The following CHST9 variants were observed in gnomAD, a reference collection of about 807,000 sequenced individuals.
CHST9 encodes the protein GalNAc-4-sulfotransferase 2.
A neutral mutation model predicts 44.4 loss-of-function variants in CHST9; 41 were observed. The ratio of observed to expected loss-of-function variants is 0.92; its 90% CI spans 0.72 to 1.20. The LOEUF (loss-of-function observed/expected upper bound fraction) is 1.20. CHST9 is among the 50% of genes most tolerant of loss of function. The probability of loss-of-function intolerance (pLI) is 0.00; values close to 1 mark genes in which losing one functional copy is unlikely to be tolerated. For synonymous variants in CHST9, 171 were observed against 178.4 expected, an observed-to-expected ratio of 0.96 and a Z score of 0.33; for missense variants, 504 against 516.5, an observed-to-expected ratio of 0.98 and a Z score of 0.23.
rs944003599 is a variant in CHST9, at chr18:26,910,595, G to A, written c.*5664C>T. The A allele has an allele frequency of 6.6e-6, 1 of 152,160 alleles. No individual in the cohort carries two copies. Among genetic ancestry groups the A allele is most frequent in the African/African-American group, 2.4e-5 (1 of 41,432 alleles). 9.4% of individuals were successfully genotyped at this position (152,160 alleles called of 1,614,324 possible). On this transcript the variant is annotated 3_prime_UTR_variant, in exon 6 of 6. Coordinates refer to ENST00000618847, the MANE Select transcript of CHST9 (RefSeq NM_031422.6). ...TAGAATGTAGGGTAACAAATCCCCTGTCATTAATGAGGCCCAATGTTGGCA... is the reference window on the plus strand; with the variant it reads ...TAGAATGTAGGGTAACAAATCCCCTATCATTAATGAGGCCCAATGTTGGCA...
At chr18:26,998,855 T>C (rs1488887488) in intron 4 of CHST9, among the ~76,000 whole-genome samples, 1 of 152,146 alleles carries the variant, frequency 6.6e-6, no homozygotes, top group Non-Finnish European at 1.5e-5. Flanking sequence ...GCTGGCAGTC[T>C]CTGGCTATCA....
intron 5 of CHST9, among the ~76,000 whole-genome samples, chr18:26,925,577 G>C (rs1401389119): frequency 6.6e-6 from 1 of 152,218 alleles, no homozygotes; most frequent in Non-Finnish European, 1.5e-5. Context: ...TGTTACAAGA[G>C]ATAATGGTCG....
intron 4 of CHST9, among the ~76,000 whole-genome samples, chr18:26,996,718 A>AGTGT: frequency 6.6e-6 from 1 of 152,168 alleles, no homozygotes. Context: ...TTACTGTCCA[A>AGTGT]AATACTCTCT....
intron 1 of CHST9, among the ~76,000 whole-genome samples, chr18:27,183,781 T>C (rs2058932530): frequency 1.3e-5 from 2 of 152,130 alleles, no homozygotes; most frequent in African/African-American, 4.8e-5. Context: ...TGAGCAATAA[T>C]AAAAAGTGGT....
chr18:27,160,369 A>G (rs887280550), intron 1 of CHST9, among the ~76,000 whole-genome samples: 3 of 152,132 alleles, frequency 2.0e-5, no homozygotes, highest in African/African-American at 7.2e-5. Flanking sequence ...TGAGATAATT[A>G]TATGGTTTTT....
At chr18:27,176,507 G>C (rs2058869548) in intron 1 of CHST9, among the ~76,000 whole-genome samples, 1 of 151,930 alleles carries the variant, frequency 6.6e-6, no homozygotes, top group Non-Finnish European at 1.5e-5. Context: ...AAACCAGATT[G>C]GACTATGGGA....
chr18:26,928,856 G>A (rs712500), intron 5 of CHST9, among the ~76,000 whole-genome samples: 27 of 152,172 alleles, frequency 1.8e-4, no homozygotes, highest in Admixed American at 2.0e-4. Flanking sequence ...TAGTTGGTTG[G>A]AAGTCTGGCT....
chr18:26,974,319 G>C (rs1598607904), intron 4 of CHST9, among the ~76,000 whole-genome samples: 1 of 152,200 alleles, frequency 6.6e-6, no homozygotes, highest in Non-Finnish European at 1.5e-5. Context: ...AGAGGTGAAT[G>C]CAACACTTTC....
intron 2 of CHST9, among the ~76,000 whole-genome samples, chr18:27,072,927 A>G (rs550235210): frequency 6.2e-4 from 95 of 152,226 alleles, no homozygotes; most frequent in African/African-American, 2.3e-3. Context: ...CCAGGAACTC[A>G]TTAGTTATGA....
chr18:26,952,188 C>T (rs2056257334), intron 4 of CHST9: 1 of 524,630 alleles, frequency 1.9e-6, no homozygotes, highest in Non-Finnish European at 3.8e-6. Context: ...ATGGACTTCA[C>T]CTCCCAAAAG....
rs183064607 is a variant in CHST9 at position 26,991,957 on chromosome 18, G to A, written c.202+32159C>T. 1.6e-3 allele frequency among the ~76,000 whole-genome samples: 206 copies of A among 128,396 alleles called. 57 individuals carry two copies. The highest frequency in any genetic ancestry group is 2.9e-3 in the Non-Finnish European group (160 of 55,936). 84.2% of individuals were successfully genotyped at this position (128,396 alleles called of 152,430 possible). ...GCAGAGCAGTGGGCAGTTGTTGTGA[G>A]GGAAAGTAGGGTTAGAAGAGAATAT... On this transcript the variant is annotated intron_variant, in intron 4 of 5. Transcript: ENST00000618847.
At chr18:27,122,914 A>C (rs1385092680) in intron 2 of CHST9, among the ~76,000 whole-genome samples, 2 of 152,174 alleles carry the variant, frequency 1.3e-5, no homozygotes. Flanking sequence ...AGCTGGAAGG[A>C]AACTTGAACA....
chr18:26,995,070 A>T (rs991744810), intron 4 of CHST9, among the ~76,000 whole-genome samples: 1 of 151,834 alleles, frequency 6.6e-6, no homozygotes. Flanking sequence ...CATGTGACTG[A>T]GATGGAAGCA....
At chr18:26,921,729 A>T (rs1352707112) in intron 5 of CHST9, among the ~76,000 whole-genome samples, 1 of 152,224 alleles carries the variant, frequency 6.6e-6, no homozygotes, top group Non-Finnish European at 1.5e-5. Context: ...AAAATCTTAC[A>T]TCTCCATTTT....
At chr18:26,971,618 A>G (rs1374267477) in intron 4 of CHST9, among the ~76,000 whole-genome samples, 2 of 152,252 alleles carry the variant, frequency 1.3e-5, no homozygotes, top group African/African-American at 4.8e-5. Flanking sequence ...CCATCTAGAA[A>G]GGTGCAGATG....
intron 4 of CHST9, among the ~76,000 whole-genome samples, chr18:26,969,874 G>A (rs1299587823): frequency 7.2e-6 from 1 of 139,130 alleles, no homozygotes; most frequent in Non-Finnish European, 1.5e-5. Context: ...GTCTAAAATA[G>A]AATTTGTTAT....
At chr18:27,070,679 C>G (rs1994302) in intron 2 of CHST9, among the ~76,000 whole-genome samples, 1 of 53,650 alleles carries the variant, frequency 1.9e-5, no homozygotes, top group South Asian at 3.7e-4. Context: ...TGACCTTGTC[C>G]TATGTCACCC....
At chr18:27,010,493 C>A (rs1048275784) in intron 4 of CHST9, among the ~76,000 whole-genome samples, 22 of 152,178 alleles carry the variant, frequency 1.4e-4, no homozygotes, top group Admixed American at 1.4e-3. Context: ...AGGGCAAGTG[C>A]AATGGGAGGA....
At chr18:26,925,005 C>G (rs1404628287) in intron 5 of CHST9, among the ~76,000 whole-genome samples, 1 of 152,110 alleles carries the variant, frequency 6.6e-6, no homozygotes, top group Non-Finnish European at 1.5e-5. Flanking sequence ...GCTAGCAAGA[C>G]AGACTTGGTC....
Sources: allele counts gnomAD v4.1 joint callset (sites outside exome capture counted in the v4.1 genomes callset), GRCh38; gene constraint gnomAD v4.1.1; transcripts MANE v1.5; gene names NCBI Gene and HGNC (gene_info 2026-07-23, HGNC 2026-07-21).